Variants in GALK2 observed in about 807,000 individuals in gnomAD.
The protein encoded by GALK2 is N-acetylgalactosamine kinase.
A neutral mutation model predicts 52.4 loss-of-function variants in GALK2; 36 were observed. The ratio of observed to expected loss-of-function variants is 0.69; its 90% CI spans 0.53 to 0.91. GALK2 has a LOEUF of 0.91. Ranked by LOEUF, GALK2 falls within the 40% of genes least tolerant of loss-of-function variation. The probability of loss-of-function intolerance (pLI) is 0.00; values close to 1 mark genes in which losing one functional copy is unlikely to be tolerated. For synonymous variants in GALK2, 176 were observed against 199.1 expected (o/e 0.88, Z 0.98); for missense variants, 579 against 559.1 (o/e 1.04, Z -0.36).
chr15:49,336,964 TTA>T (rs2039824729), intron 3 of GALK2, among the ~76,000 whole-genome samples: 1 of 152,220 alleles, frequency 6.6e-6, no homozygotes. Context: ...GTATTTGGTG[TTA>T]TTTACTTAGG....
intron 5 of GALK2, among the ~76,000 whole-genome samples, chr15:49,255,182 T>C (rs990848706): frequency 2.8e-5 from 4 of 143,456 alleles, no homozygotes; most frequent in African/African-American, 9.9e-5. Context: ...TCAATAGTAA[T>C]GTCCTTTAGA....
At chr15:49,264,746 T>G (rs1457091886) in intron 5 of GALK2, among the ~76,000 whole-genome samples, 2 of 152,106 alleles carry the variant, frequency 1.3e-5, no homozygotes, top group Non-Finnish European at 2.9e-5. Flanking sequence ...TACAGATGGG[T>G]TTTTGGTGTG....
At chr15:49,335,580 A>C (rs1353132133), downstream of GALK2, 8 of 894,762 alleles carry the variant, frequency 8.9e-6, no homozygotes, top group Non-Finnish European at 1.4e-5. Flanking sequence ...AACCAAGGGG[A>C]CCGTGTGACC....
At chr15:49,313,931 G>T (rs548451951) in intron 8 of GALK2, among the ~76,000 whole-genome samples, 1 of 152,314 alleles carries the variant, frequency 6.6e-6, no homozygotes, top group East Asian at 1.9e-4. Flanking sequence ...ACTAGCCCTT[G>T]CATGCATAGG....
chr15:49,315,082 T>A (rs1334245951), intron 8 of GALK2, among the ~76,000 whole-genome samples: 3 of 152,222 alleles, frequency 2.0e-5, no homozygotes, highest in Admixed American at 6.5e-5. Context: ...CCATGAACAT[T>A]TAGATTTCAG....
At chr15:49,283,506 A>C (rs116433063) in intron 6 of GALK2, 60 bp from the exon 7 acceptor site, 372 of 1,410,994 alleles carry the variant, frequency 2.6e-4, no homozygotes, top group Non-Finnish European at 3.6e-4. Context: ...ATACATAAAC[A>C]CTTGAACATT....
chr15:49,335,385 T>C (rs758706496), downstream of GALK2: 100 of 1,401,852 alleles, frequency 7.1e-5, no homozygotes, highest in Middle Eastern at 3.7e-4. Flanking sequence ...AAAAGTATTA[T>C]TTTATATTTA....
At chr15:49,236,035 A>G (rs2090783281) in intron 4 of GALK2, 94 bp downstream of exon 4, 8 of 790,134 alleles carry the variant, frequency 1.0e-5, no homozygotes, top group Non-Finnish European at 1.7e-5. Flanking sequence ...TCATCTCCTT[A>G]CAGTACTAAC....
At chr15:49,175,128 C>T (rs1467629064) in intron 1 of GALK2, among the ~76,000 whole-genome samples, 1 of 152,188 alleles carries the variant, frequency 6.6e-6, no homozygotes, top group African/African-American at 2.4e-5. Context: ...ACATACATCC[C>T]ATGTTCCCTT....
chr15:49,278,098 T>G (rs1228218301), intron 5 of GALK2, among the ~76,000 whole-genome samples: 1 of 151,768 alleles, frequency 6.6e-6, no homozygotes, highest in Non-Finnish European at 1.5e-5. Context: ...CCGTCTCTAC[T>G]AAAAATACAA....
intron 5 of GALK2, among the ~76,000 whole-genome samples, chr15:49,252,013 C>G (rs2091623946): frequency 6.6e-6 from 1 of 152,060 alleles, no homozygotes; most frequent in South Asian, 2.1e-4. Context: ...TGCCTGTAAT[C>G]CCAGCACTTT....
intron 8 of GALK2, among the ~76,000 whole-genome samples, chr15:49,310,425 T>C (rs760880202): frequency 2.6e-5 from 4 of 152,228 alleles, no homozygotes; most frequent in Non-Finnish European, 5.9e-5. Flanking sequence ...ATGAATCATA[T>C]GGTAGTTCTA....
intron 3 of GALK2, among the ~76,000 whole-genome samples, chr15:49,234,770 CTT>C (rs774807789): frequency 3.4e-5 from 5 of 145,070 alleles, no homozygotes; most frequent in Admixed American, 6.9e-5. Flanking sequence ...ATATCAGATA[CTT>C]TTTTTTTTTT....
chr15:49,259,616 A>G (rs1210467034), intron 5 of GALK2, among the ~76,000 whole-genome samples: 1 of 144,656 alleles, frequency 6.9e-6, no homozygotes, highest in African/African-American at 2.6e-5. Context: ...TTTAGGGTAC[A>G]TGTGCACAAT....
downstream of GALK2, among the ~76,000 whole-genome samples, chr15:49,334,031 G>A (rs2039274155): frequency 6.6e-6 from 1 of 152,194 alleles, no homozygotes; most frequent in Non-Finnish European, 1.5e-5. Context: ...TGGCTGGAGA[G>A]TAAAAATAGA....
rs368454790 is a variant in GALK2 at position 49,329,701 on chromosome 15, C to A, written c.*1542C>A. The A allele has an allele frequency of 9.8e-5, 95 of 973,092 alleles. 1 individual carries two copies. In the East Asian group the frequency reaches 8.6e-3, roughly 88 times the overall value. The allele number at this position is 973,092 out of a possible 1,614,324, so 60.3% of individuals were successfully genotyped here. ...GTTCTATAAATCCAAAAATCTGAAA[C>A]CTGAATTTATTTAAATTTATAATCC... On this transcript the variant is annotated 3_prime_UTR_variant, in exon 10 of 10. Transcript: ENST00000560031.
intron 8 of GALK2, among the ~76,000 whole-genome samples, chr15:49,302,218 G>A (rs985000767): frequency 3.9e-5 from 6 of 152,128 alleles, no homozygotes; most frequent in East Asian, 1.9e-4. Flanking sequence ...CACCAATTAC[G>A]GGAGGTGATA....
chr15:49,350,249 G>A (rs945198215), intron 3 of GALK2, among the ~76,000 whole-genome samples: 10 of 152,120 alleles, frequency 6.6e-5, no homozygotes, highest in African/African-American at 2.4e-4. Flanking sequence ...AAAATGTGGC[G>A]AGTGTATCAG....
intron 8 of GALK2, among the ~76,000 whole-genome samples, chr15:49,297,224 T>C (rs2034560039): frequency 6.6e-6 from 1 of 152,244 alleles, no homozygotes; most frequent in Non-Finnish European, 1.5e-5. Context: ...CATGTGTATG[T>C]CTTTTTTTGA....
Sources: gnomAD v4.1 joint callset for allele counts (sites outside exome capture counted in the v4.1 genomes callset) on GRCh38, gnomAD v4.1.1 for gene constraint, MANE v1.5 for transcripts, NCBI Gene and HGNC (gene_info 2026-07-23, HGNC 2026-07-21) for gene names.